LRRTM4: variants seen among roughly 807,000 people sequenced by gnomAD.
LRRTM4 encodes the protein leucine rich repeat transmembrane neuronal 4, also known as leucine-rich repeat transmembrane neuronal protein 4.
Under a neutral mutation model 47.6 loss-of-function variants are expected in LRRTM4, and 25 were observed. That is an observed-to-expected ratio of 0.53 (90% CI 0.38 to 0.73). The LOEUF is 0.73. Ranked by LOEUF, LRRTM4 falls within the 30% of genes least tolerant of loss-of-function variation. The pLI, the probability that LRRTM4 is intolerant of heterozygous loss-of-function variation, is 0.00. For missense variants in LRRTM4, 638 were observed against 713.4 expected (o/e 0.89, Z 1.20); for synonymous variants, 311 against 269.5 (o/e 1.15, Z -1.51).
At chr2:77,285,351 T>TATATATATATATATATATAA (rs1261152292) in intron 3 of LRRTM4, among the ~76,000 whole-genome samples, 2 of 141,598 alleles carry the variant, frequency 1.4e-5, no homozygotes, top group African/African-American at 5.1e-5. Flanking sequence ...TATATATATA[T>TATATATATATATATATATAA]ATATATATAT....
At chr2:76,978,490 A>G (rs1379998495) in intron 3 of LRRTM4, among the ~76,000 whole-genome samples, 1 of 152,092 alleles carries the variant, frequency 6.6e-6, no homozygotes, top group Non-Finnish European at 1.5e-5. Context: ...AATGCTCACT[A>G]TATAACCTCT....
chr2:76,892,548 A>T (rs1673288761), intron 3 of LRRTM4, among the ~76,000 whole-genome samples: 1 of 151,446 alleles, frequency 6.6e-6, no homozygotes, highest in Admixed American at 6.6e-5. Flanking sequence ...GTAAACTGCA[A>T]TTTTTTTTGG....
chr2:76,996,801 A>G (rs1162820557), intron 3 of LRRTM4, among the ~76,000 whole-genome samples: 1 of 152,150 alleles, frequency 6.6e-6, no homozygotes, highest in Non-Finnish European at 1.5e-5. Context: ...TAGTTATAGA[A>G]AACAAAATTA....
At chr2:77,280,440 G>C (rs1676478742) in intron 3 of LRRTM4, among the ~76,000 whole-genome samples, 1 of 152,070 alleles carries the variant, frequency 6.6e-6, no homozygotes, top group African/African-American at 2.4e-5. Flanking sequence ...ATGCAAAGGA[G>C]CTAACTTTAA....
intron 3 of LRRTM4, among the ~76,000 whole-genome samples, chr2:76,794,314 G>GAAAGGAAGTTAT (rs1675141082): frequency 1.3e-5 from 2 of 152,200 alleles, no homozygotes; most frequent in Admixed American, 1.3e-4. Context: ...GCATTAGTAT[G>GAAAGGAAGTTAT]AAAGGAAGTT....
chr2:77,326,203 T>C (rs1032127151), intron 3 of LRRTM4, among the ~76,000 whole-genome samples: 1 of 152,232 alleles, frequency 6.6e-6, no homozygotes. Context: ...AATTTAAGCA[T>C]AAAAACAAGT....
chr2:77,324,102 A>G (rs1222960542), intron 3 of LRRTM4, among the ~76,000 whole-genome samples: 15 of 152,144 alleles, frequency 9.9e-5, no homozygotes, highest in Non-Finnish European at 1.5e-5. Flanking sequence ...AAATAAACAT[A>G]GTAACATGGG....
chr2:77,217,440 A>ATATATATATAT lies in LRRTM4; in HGVS notation c.1551+300877_1551+300878insATATATATATA, dbSNP rs1674484073. Among the ~76,000 whole-genome samples, 2 of 76,794 alleles carry ATATATATATAT rather than the reference A, an allele frequency of 2.6e-5. 1 individual carries two copies. The allele number at this position is 76,794 out of a possible 152,430, so 50.4% of individuals were successfully genotyped here. On this transcript the variant is annotated intron_variant, in intron 3 of 3. Coordinates refer to ENST00000409884, the MANE Select transcript of LRRTM4 (RefSeq NM_001134745.3). ...TGATTTGGGCTATATCTCCAAATGA[A>ATATATATATAT]ATATATATATATATATATATATATA...
At chr2:77,063,684 A>G (rs956456612) in intron 3 of LRRTM4, among the ~76,000 whole-genome samples, 9 of 152,218 alleles carry the variant, frequency 5.9e-5, no homozygotes, top group African/African-American at 1.9e-4. Flanking sequence ...AATAACATTA[A>G]AAATTGGCCA....
At chr2:77,098,530 T>G (rs1185661913) in intron 3 of LRRTM4, among the ~76,000 whole-genome samples, 1 of 151,968 alleles carries the variant, frequency 6.6e-6, no homozygotes, top group Non-Finnish European at 1.5e-5. Context: ...ATATAAAAAT[T>G]CAACTTTAAA....
intron 3 of LRRTM4, among the ~76,000 whole-genome samples, chr2:76,830,894 A>C (rs925063828): frequency 2.0e-5 from 3 of 152,006 alleles, no homozygotes; most frequent in Non-Finnish European, 4.4e-5. Flanking sequence ...TCTCTGACCT[A>C]ATAAAGAAAA....
chr2:76,991,281 G>A (rs1309746219), intron 3 of LRRTM4, among the ~76,000 whole-genome samples: 1 of 151,500 alleles, frequency 6.6e-6, no homozygotes, highest in Non-Finnish European at 1.5e-5. Flanking sequence ...CAGAAGAAAA[G>A]AAATAACTAC....
intron 3 of LRRTM4, among the ~76,000 whole-genome samples, chr2:77,093,030 G>A (rs577127649): frequency 6.9e-6 from 1 of 145,982 alleles, no homozygotes; most frequent in East Asian, 2.0e-4. Context: ...CTTTATAGAC[G>A]CTCCTTTTAT....
chr2:76,997,222 A>C (rs1677234286), intron 3 of LRRTM4, among the ~76,000 whole-genome samples: 1 of 152,102 alleles, frequency 6.6e-6, no homozygotes, highest in Non-Finnish European at 1.5e-5. Context: ...TTTGACACTG[A>C]TTTCTAGAAG....
intron 3 of LRRTM4, among the ~76,000 whole-genome samples, chr2:77,112,018 C>T (rs2103936559): frequency 6.6e-6 from 1 of 152,228 alleles, no homozygotes; most frequent in South Asian, 2.1e-4. Context: ...GACTACTGTA[C>T]TGAGAGATTT....
At chr2:76,816,543 T>C (rs1197102778) in intron 3 of LRRTM4, among the ~76,000 whole-genome samples, 1 of 152,034 alleles carries the variant, frequency 6.6e-6, no homozygotes, top group Non-Finnish European at 1.5e-5. Context: ...ATGGAATCTG[T>C]ATTTTTATTT....
intron 3 of LRRTM4, among the ~76,000 whole-genome samples, chr2:77,118,126 G>T (rs77354504): frequency 0.06 from 9,047 of 151,602 alleles, 420 homozygotes; most frequent in East Asian, 0.22. Context: ...ATTTCTATAA[G>T]GCCAGAGCTT....
intron 3 of LRRTM4, among the ~76,000 whole-genome samples, chr2:77,342,753 G>A (rs1392758021): frequency 6.6e-6 from 1 of 151,814 alleles, no homozygotes; most frequent in African/African-American, 2.4e-5. Flanking sequence ...CTATACCCAG[G>A]AAATGTAATG....
rs141768185 is a variant in LRRTM4, at chr2:77,144,881, T to C, written c.1551+373437A>G. On this transcript the variant is annotated intron_variant, in intron 3 of 3. Transcript: ENST00000409884. ...AACTGTTGTAAGGACCACTAGAAAA[T>C]TGTTACTCTCAAGATGTGAGAGGAC... 9.8e-4 allele frequency among the ~76,000 whole-genome samples: 149 copies of C among 152,142 alleles called. 1 individual carries two copies. Among genetic ancestry groups the C allele is most frequent in the Middle Eastern group, 6.8e-3 (2 of 294 alleles).
Sources: gnomAD v4.1 joint callset for allele counts (sites outside exome capture counted in the v4.1 genomes callset) on GRCh38, gnomAD v4.1.1 for gene constraint, MANE v1.5 for transcripts, NCBI Gene and HGNC (gene_info 2026-07-23, HGNC 2026-07-21) for gene names.